Variants in RBFOX1 observed in about 807,000 individuals in gnomAD.
The protein encoded by RBFOX1 is RNA binding protein fox-1 homolog 1.
Under a neutral mutation model 57.7 loss-of-function variants are expected in RBFOX1, and 8 were observed. That is an observed-to-expected ratio of 0.14 (90% CI 0.08 to 0.25). RBFOX1 has a LOEUF of 0.25. RBFOX1 is among the 10% of genes least tolerant of loss of function. The pLI, the probability that RBFOX1 is intolerant of heterozygous loss-of-function variation, is 1.00. For synonymous variants in RBFOX1, 326 were observed against 222.4 expected (o/e 1.47, Z -4.15); for missense variants, 611 against 548.5 (o/e 1.11, Z -1.14).
Position 5,434,888 on chromosome 16 carries a change from TC to T in RBFOX1, c.220-32324del, listed in dbSNP as rs1381412158. On this transcript the variant is annotated intron_variant, in intron 1 of 2. Transcript: ENST00000585867. Reference sequence around the variant, plus strand: ...CTGGCTTTACATAGCATGTCTTGATTCCCCACAAAGGTAAGATAAAAAAAAA... The same window carrying T: ...CTGGCTTTACATAGCATGTCTTGATTCCCACAAAGGTAAGATAAAAAAAAA... Among the ~76,000 whole-genome samples, 9 of 107,698 alleles carry T rather than the reference TC, an allele frequency of 8.4e-5. No homozygotes were observed. The East Asian group carries it at 2.3e-3, about 28-fold the overall frequency. 70.7% of individuals were successfully genotyped at this position (107,698 alleles called of 152,430 possible). A position where few individuals can be genotyped will look rare whatever the true frequency, so the allele number is the denominator to read the frequency against.
chr16:6,039,147 A>C (rs1156275457), intron 1 of RBFOX1, among the ~76,000 whole-genome samples: 3 of 151,994 alleles, frequency 2.0e-5, no homozygotes, highest in African/African-American at 2.4e-5. Flanking sequence ...TCAGTGGAAA[A>C]CCAGCTGGGA....
chr16:7,494,186 C>G (rs2151624583), intron 4 of RBFOX1, among the ~76,000 whole-genome samples: 1 of 152,252 alleles, frequency 6.6e-6, no homozygotes, highest in South Asian at 2.1e-4. Flanking sequence ...GGATGTTTGT[C>G]AATTGCAATT....
At chr16:6,761,243 G>A (rs1286843329) in intron 3 of RBFOX1, among the ~76,000 whole-genome samples, 3 of 152,100 alleles carry the variant, frequency 2.0e-5, no homozygotes, top group African/African-American at 7.2e-5. Flanking sequence ...GGGGGAAAAA[G>A]TAATCAATTT....
At chr16:7,225,188 T>C (rs567049024) in intron 4 of RBFOX1, among the ~76,000 whole-genome samples, 1 of 152,260 alleles carries the variant, frequency 6.6e-6, no homozygotes, top group Admixed American at 6.5e-5. Flanking sequence ...TGAATCTAGT[T>C]TGTAAGTGCA....
intron 4 of RBFOX1, among the ~76,000 whole-genome samples, chr16:7,392,049 C>A (rs1402937742): frequency 6.6e-6 from 1 of 152,228 alleles, no homozygotes; most frequent in Non-Finnish European, 1.5e-5. Context: ...TGCTCATTTG[C>A]CACCACAATA....
chr16:6,085,745 C>A (rs1201618402), intron 1 of RBFOX1, among the ~76,000 whole-genome samples: 1 of 152,146 alleles, frequency 6.6e-6, no homozygotes. Flanking sequence ...TCTACCCTCC[C>A]CAAGAGTTGG....
chr16:6,664,844 G>A (rs1423837394), intron 3 of RBFOX1, among the ~76,000 whole-genome samples: 1 of 152,202 alleles, frequency 6.6e-6, no homozygotes, highest in Non-Finnish European at 1.5e-5. Flanking sequence ...CGGATCTGGA[G>A]TTGAATCCCG....
At chr16:7,364,281 G>C (rs1484152394) in intron 4 of RBFOX1, among the ~76,000 whole-genome samples, 1 of 152,094 alleles carries the variant, frequency 6.6e-6, no homozygotes, top group African/African-American at 2.4e-5. Flanking sequence ...ACCCTTTGAA[G>C]TATGAGATCT....
At chr16:7,353,369 G>A (rs74010652) in intron 4 of RBFOX1, among the ~76,000 whole-genome samples, 22,705 of 152,128 alleles carry the variant, frequency 0.15, 2,341 homozygotes, top group African/African-American at 0.3. Flanking sequence ...TGGCAGGAAT[G>A]TAAAATTCCG....
intron 4 of RBFOX1, among the ~76,000 whole-genome samples, chr16:7,379,195 G>C (rs1046598987): frequency 6.6e-6 from 1 of 152,020 alleles, no homozygotes; most frequent in Non-Finnish European, 1.5e-5. Flanking sequence ...GGAGTGTTTG[G>C]AAGAGAAAAA....
chr16:5,301,635 A>G (rs112935524), intron 1 of RBFOX1, among the ~76,000 whole-genome samples: 5 of 142,028 alleles, frequency 3.5e-5, no homozygotes, highest in African/African-American at 1.5e-4. Flanking sequence ...AAAAAAAAAA[A>G]AAACACACAA....
At chr16:5,353,537 A>G (rs2065311513) in intron 1 of RBFOX1, among the ~76,000 whole-genome samples, 1 of 152,096 alleles carries the variant, frequency 6.6e-6, no homozygotes, top group African/African-American at 2.4e-5. Context: ...ATTTATGTGA[A>G]TGTCACAGCC....
At chr16:6,690,376 T>G (rs1181176947) in intron 3 of RBFOX1, among the ~76,000 whole-genome samples, 3 of 152,140 alleles carry the variant, frequency 2.0e-5, no homozygotes, top group Non-Finnish European at 4.4e-5. Context: ...ACAGATCCAT[T>G]CGTGACAAAA....
chr16:6,535,139 A>G (rs996851802), intron 2 of RBFOX1, among the ~76,000 whole-genome samples: 3 of 152,178 alleles, frequency 2.0e-5, no homozygotes, highest in African/African-American at 7.2e-5. Context: ...GTTAGAGTGG[A>G]AAACGTGTGC....
At chr16:5,956,457 A>G (rs1209071472) in intron 4 of RBFOX1, among the ~76,000 whole-genome samples, 2 of 151,640 alleles carry the variant, frequency 1.3e-5, no homozygotes, top group South Asian at 2.1e-4. Context: ...GGGGAGATGC[A>G]AGTTACTGTA....
At chr16:7,034,383 T>A (rs984462394) in intron 3 of RBFOX1, among the ~76,000 whole-genome samples, 2 of 151,924 alleles carry the variant, frequency 1.3e-5, no homozygotes, top group Admixed American at 1.3e-4. Flanking sequence ...GGGGCTGAGG[T>A]TGGAGATCAT....
chr16:7,355,004 T>C (rs556648269), intron 4 of RBFOX1, among the ~76,000 whole-genome samples: 1 of 152,330 alleles, frequency 6.6e-6, no homozygotes, highest in Non-Finnish European at 1.5e-5. Flanking sequence ...TAAAAATTAA[T>C]AGTTAACGTT....
intron 2 of RBFOX1, among the ~76,000 whole-genome samples, chr16:6,410,324 T>G (rs1159222861): frequency 2.0e-5 from 3 of 148,200 alleles, no homozygotes; most frequent in Middle Eastern, 3.2e-3. Flanking sequence ...TTTTTTTTTT[T>G]TGAGACAGAG....
intron 4 of RBFOX1, among the ~76,000 whole-genome samples, chr16:7,240,375 T>G (rs2093994875): frequency 6.6e-6 from 1 of 152,182 alleles, no homozygotes; most frequent in Admixed American, 6.5e-5. Context: ...ATGTTATACT[T>G]GTATATCACC....
Sources: allele counts gnomAD v4.1 joint callset (sites outside exome capture counted in the v4.1 genomes callset), GRCh38; gene constraint gnomAD v4.1.1; transcripts MANE v1.5; gene names NCBI Gene and HGNC (gene_info 2026-07-23, HGNC 2026-07-21).